Variants in GPHN observed in about 807,000 individuals in gnomAD.
The protein encoded by GPHN is gephyrin.
A neutral mutation model predicts 95.5 loss-of-function variants in GPHN; 17 were observed. That is an observed-to-expected ratio of 0.18 (90% CI 0.12 to 0.27). GPHN has a LOEUF of 0.27. Ranked by LOEUF, GPHN falls within the 10% of genes least tolerant of loss-of-function variation. GPHN has a pLI of 1.00. For synonymous variants in GPHN, 320 were observed against 322.5 expected (o/e 0.99, Z 0.08); for missense variants, 660 against 978.1 (o/e 0.67, Z 4.34).
the GPHN span, among the ~76,000 whole-genome samples, chr14:67,311,684 G>A: frequency 0.15 from 23,541 of 152,114 alleles, 3,435 homozygotes; most frequent in East Asian, 0.42. Context: ...AGCTTATAAA[G>A]TTCATGAGAG....
At chr14:66,776,569 A>T in intron 3 of GPHN, 48 bp downstream of exon 3, 2 of 1,035,246 alleles carry the variant, frequency 1.9e-6, no homozygotes, top group Non-Finnish European at 3.1e-6. Context: ...CATCTTGGTG[A>T]GGGGTGGGGA....
At chr14:67,409,732 T>C in the GPHN span, among the ~76,000 whole-genome samples, 1 of 152,144 alleles carries the variant, frequency 6.6e-6, no homozygotes, top group African/African-American at 2.4e-5. Flanking sequence ...TCACCGGTGA[T>C]GACTGCTCTG....
the GPHN span, among the ~76,000 whole-genome samples, chr14:67,707,220 G>C: frequency 6.6e-6 from 1 of 152,120 alleles, no homozygotes; most frequent in Non-Finnish European, 1.5e-5. Context: ...AAGACTTGTA[G>C]CCAACAAAAA....
the GPHN span, chr14:67,599,954 A>C: frequency 7.5e-7 from 1 of 1,341,980 alleles, no homozygotes; most frequent in African/African-American, 1.5e-5. Flanking sequence ...GGCTCGACCA[A>C]AGACCCCAAA....
the GPHN span, among the ~76,000 whole-genome samples, chr14:67,652,954 T>A: frequency 6.6e-6 from 1 of 152,238 alleles, no homozygotes; most frequent in South Asian, 2.1e-4. Context: ...TACGCCTGGC[T>A]AATTTTTTTG....
At chr14:67,611,251 C>T in the GPHN span, 1 of 151,240 alleles carries the variant, frequency 6.6e-6, no homozygotes, top group Non-Finnish European at 1.5e-5. Flanking sequence ...CTCCCTCCCT[C>T]TCTCTCTCTT....
the GPHN span, chr14:67,352,985 G>C: frequency 1.2e-6 from 2 of 1,613,862 alleles, no homozygotes; most frequent in African/African-American, 1.3e-5. Flanking sequence ...TTTTTCTTCA[G>C]GAGGTTTCGA....
chr14:67,530,649 G>A, the GPHN span, among the ~76,000 whole-genome samples: 1 of 152,178 alleles, frequency 6.6e-6, no homozygotes, highest in African/African-American at 2.4e-5. Context: ...AGGGCTTAAT[G>A]TGCTTGAGGG....
chr14:67,366,982 G>A, the GPHN span, among the ~76,000 whole-genome samples: 1 of 152,110 alleles, frequency 6.6e-6, no homozygotes, highest in East Asian at 1.9e-4. Context: ...GACAACCATA[G>A]TAGATGGAAA....
At chr14:66,789,988 A>AT (rs2059915161) in intron 3 of GPHN, among the ~76,000 whole-genome samples, 1 of 152,192 alleles carries the variant, frequency 6.6e-6, no homozygotes, top group Non-Finnish European at 1.5e-5. Flanking sequence ...AGAACCTTAG[A>AT]TTTTGAGAGG....
chr14:66,695,269 A>G (rs1019908454), intron 2 of GPHN, among the ~76,000 whole-genome samples: 2 of 152,270 alleles, frequency 1.3e-5, no homozygotes, highest in African/African-American at 2.4e-5. Flanking sequence ...TCAAATAAGT[A>G]TATAAAAAGA....
chr14:67,550,771 A>T, the GPHN span, among the ~76,000 whole-genome samples: 77,423 of 152,078 alleles, frequency 0.51, 20,299 homozygotes, highest in Non-Finnish European at 0.58. Flanking sequence ...TGTGAGAGGC[A>T]GTGTAGTATA....
the GPHN span, among the ~76,000 whole-genome samples, chr14:67,428,286 T>G: frequency 6.6e-6 from 1 of 152,120 alleles, no homozygotes; most frequent in African/African-American, 2.4e-5. Flanking sequence ...CTCTGACTGC[T>G]TCCAGTGCAG....
the GPHN span, chr14:67,467,964 CA>C: frequency 6.6e-6 from 1 of 151,624 alleles, no homozygotes; most frequent in African/African-American, 2.4e-5. Context: ...CTGGGAACCA[CA>C]ACTGCTATTT....
At chr14:66,750,131 C>G (rs1036344629) in intron 2 of GPHN, among the ~76,000 whole-genome samples, 3 of 151,762 alleles carry the variant, frequency 2.0e-5, no homozygotes, top group African/African-American at 7.3e-5. Context: ...AAGGATGTTG[C>G]CTTTGCTGTC....
chr14:67,230,505 G>A, the GPHN span, among the ~76,000 whole-genome samples: 4 of 152,192 alleles, frequency 2.6e-5, no homozygotes, highest in Admixed American at 6.5e-5. Context: ...TCAGGAGGTC[G>A]AGGCTGCAGT....
the GPHN span, among the ~76,000 whole-genome samples, chr14:67,457,682 C>A: frequency 1.3e-5 from 2 of 152,218 alleles, no homozygotes; most frequent in African/African-American, 4.8e-5. Context: ...TCACGGCCCC[C>A]CAGCTATAGG....
intron 1 of GPHN, among the ~76,000 whole-genome samples, chr14:66,649,209 C>T (rs1055757836): frequency 1.3e-5 from 2 of 152,070 alleles, no homozygotes; most frequent in African/African-American, 4.8e-5. Context: ...TGGCGTGCGC[C>T]TGTAGTCCCA....
chr14:67,468,262 C>T, the GPHN span, among the ~76,000 whole-genome samples: 1 of 152,212 alleles, frequency 6.6e-6, no homozygotes, highest in African/African-American at 2.4e-5. Flanking sequence ...GCTTGAGCCA[C>T]CGCACCTGGC....
Sources: allele counts gnomAD v4.1 joint callset (sites outside exome capture counted in the v4.1 genomes callset), GRCh38; gene constraint gnomAD v4.1.1; transcripts MANE v1.5; gene names NCBI Gene and HGNC (gene_info 2026-07-23, HGNC 2026-07-21).